ZNF595: variants seen among roughly 807,000 people sequenced by gnomAD.
ZNF595 encodes the protein zinc finger protein 595.
In ZNF595, 9 loss-of-function variants were observed where a neutral mutation model predicts 19.4. That is an observed-to-expected ratio of 0.46 (90% CI 0.28 to 0.81). The LOEUF (loss-of-function observed/expected upper bound fraction) is 0.81. Ranked by LOEUF, ZNF595 falls within the 30% of genes least tolerant of loss-of-function variation. The pLI, the probability that ZNF595 is intolerant of heterozygous loss-of-function variation, is 0.11. For synonymous variants in ZNF595, 255 were observed against 255.9 expected, an observed-to-expected ratio of 1.00 and a Z score of 0.03; for missense variants, 729 against 736.0, an observed-to-expected ratio of 0.99 and a Z score of 0.11.
intron 3 of ZNF595, among the ~76,000 whole-genome samples, chr4:64,660 A>C (rs150611568): frequency 1.5e-4 from 23 of 151,038 alleles, no homozygotes; most frequent in Middle Eastern, 3.4e-3. Flanking sequence ...ACCTATTTTG[A>C]ACATTAAGTG....
rs782000925 is a variant in ZNF595, at chr4:86,546, G to A, written c.1042G>A (p.Ala348Thr). ...KPYTCEKCGK[A>T]FNQSSSLIIH... is the part of the protein sequence containing the mutation. ...CTACACATGTGAAAAATGTGGCAAAGCTTTTAACCAATCCTCAAGTCTTAT... is the reference window on the plus strand; with the variant it reads ...CTACACATGTGAAAAATGTGGCAAAACTTTTAACCAATCCTCAAGTCTTAT... Residue 348 changes from alanine to threonine, a missense_variant, in exon 4 of 4, where the codon GCT (alanine) becomes ACT (threonine). Ala to Thr is a moderately conservative substitution (Grantham distance 58, BLOSUM62 0). Transcript: ENST00000610261. 4 of 1,613,794 alleles carry A rather than the reference G, an allele frequency of 2.5e-6. No individual in the cohort carries two copies. The highest frequency in any genetic ancestry group is 2.2e-5 in the East Asian group (1 of 44,848).
chr4:82,131 T>C (rs7665963), intron 3 of ZNF595, among the ~76,000 whole-genome samples: 1,982 of 152,254 alleles, frequency 0.013, 50 homozygotes, highest in African/African-American at 0.045. Context: ...GCTGTGGTGC[T>C]TCCAACATGT....
At chr4:71,083 G>T (rs886417898) in intron 3 of ZNF595, among the ~76,000 whole-genome samples, 1 of 151,982 alleles carries the variant, frequency 6.6e-6, no homozygotes, top group Non-Finnish European at 1.5e-5. Context: ...TTAATTCCTA[G>T]GTATTTAATT....
intron 3 of ZNF595, among the ~76,000 whole-genome samples, chr4:66,966 A>G (rs1363067789): frequency 1.4e-5 from 2 of 146,642 alleles, no homozygotes; most frequent in Non-Finnish European, 3.0e-5. Flanking sequence ...ATACTTTTTC[A>G]CAAAGTATTA....
chr4:71,222 T>G lies in ZNF595; in HGVS notation c.226+11069T>G, dbSNP rs967058569. 3.3e-5 allele frequency among the ~76,000 whole-genome samples: 5 copies of G among 152,226 alleles called. No individual in the cohort carries two copies. The East Asian group carries it at 9.6e-4, about 29-fold the overall frequency. On this transcript the variant is annotated intron_variant, in intron 3 of 3. Coordinates refer to ENST00000610261, the MANE Select transcript of ZNF595 (RefSeq NM_182524.4). ...CTAAATTTATTAGTTCTAATAGTGT[T>G]CTAGTTAATTAGGTTTTTTTCAAAT...
chr4:61,157 C>CT (rs1212049874), intron 3 of ZNF595, among the ~76,000 whole-genome samples: 428 of 146,236 alleles, frequency 2.9e-3, no homozygotes, highest in South Asian at 5.2e-3. Context: ...TTCTTTTTTT[C>CT]TTTTTTTTTT....
chr4:77,078 C>T (rs1713697719), intron 3 of ZNF595, among the ~76,000 whole-genome samples: 2 of 151,760 alleles, frequency 1.3e-5, no homozygotes, highest in Non-Finnish European at 2.9e-5. Context: ...AAAATATGTA[C>T]ATTTTTACAG....
rs1553801069 is a variant in ZNF595 at position 85,943 on chromosome 4, T to C, written c.439T>C (p.Cys147Arg). The C allele has an allele frequency of 6.8e-6, 11 of 1,612,382 alleles. No homozygotes were observed. Among genetic ancestry groups the C allele is most frequent in the African/African-American group, 1.3e-5 (1 of 74,908 alleles). The change falls in exon 4 of 4, where the codon TGT (cysteine) becomes CGT (arginine). Residue 147 changes from cysteine to arginine, a missense_variant. Transcript: ENST00000610261. ...LSTTQSKIFQ[C>R]NTCVKVFSKF... ...AACTACCCAGAGCAAAATATTTCAA[T>C]GTAATACATGTGTTAAAGTTTTTAG...
At chr4:73,896 G>T (rs950243645) in intron 3 of ZNF595, among the ~76,000 whole-genome samples, 1 of 152,128 alleles carries the variant, frequency 6.6e-6, no homozygotes, top group African/African-American at 2.4e-5. Context: ...GTGGAACTGA[G>T]CCCTGAGACG....
intron 3 of ZNF595, among the ~76,000 whole-genome samples, chr4:71,826 T>C (rs1358653959): frequency 6.6e-6 from 1 of 152,176 alleles, no homozygotes; most frequent in Non-Finnish European, 1.5e-5. Flanking sequence ...TCCTACCATC[T>C]GGATTTTTTC....
intron 3 of ZNF595, among the ~76,000 whole-genome samples, chr4:68,774 C>G (rs1436841506): frequency 2.0e-5 from 3 of 152,140 alleles, no homozygotes; most frequent in Non-Finnish European, 2.9e-5. Flanking sequence ...TAATAACATT[C>G]TTTTAGTTAC....
In ZNF595 at chr4:85,998, T is replaced by C. The variant is rs200539049; in HGVS notation, c.494T>C (p.Ile165Thr). The C allele has an allele frequency of 1.3e-4, 208 of 1,608,010 alleles. No individual in the cohort carries two copies. In the African/African-American group the frequency reaches 2.3e-3, roughly 18 times the overall value. ...SKFSNSNKHKIRHTGEKPFKC... is the reference protein window; with the variant it reads ...SKFSNSNKHKTRHTGEKPFKC... ...TTTTCAAATTCAAACAAACATAAGATAAGACATACTGGAGAGAAACCCTTT... is the reference window on the plus strand; with the variant it reads ...TTTTCAAATTCAAACAAACATAAGACAAGACATACTGGAGAGAAACCCTTT... The change falls in exon 4 of 4, where the codon ATA becomes ACA. Residue 165 changes from isoleucine (I) to threonine (T), a missense_variant. By Grantham distance (89) the Ile-to-Thr change is moderately conservative. Around this residue, in one of 2 missense-constraint regions of ZNF595, gnomAD observed 729 missense variants for 675.3 expected, o/e 1.08. Transcript: ENST00000610261.
intron 3 of ZNF595, among the ~76,000 whole-genome samples, chr4:70,988 A>G (rs1297714410): frequency 6.6e-6 from 1 of 152,222 alleles, no homozygotes; most frequent in African/African-American, 2.4e-5. Flanking sequence ...AACATAAAAT[A>G]TCTTTCCTTT....
chr4:77,519 G>A lies in ZNF595; in HGVS notation c.227-8212G>A, dbSNP rs186036607. Among the ~76,000 whole-genome samples the A allele has an allele frequency of 3.2e-4, 48 of 152,202 alleles. No individual in the cohort carries two copies. In the East Asian group the frequency reaches 9.3e-3, roughly 29 times the overall value. ...TTTTGATGTCCTTGCATCTGAAGGA[G>A]CAAATACCTCTTTCAGTCATTACAG... On this transcript the variant is annotated intron_variant, in intron 3 of 3. Coordinates refer to ENST00000610261, the MANE Select transcript of ZNF595 (RefSeq NM_182524.4).
At chr4:85,324 G>C (rs1714086307) in intron 3 of ZNF595, among the ~76,000 whole-genome samples, 1 of 152,176 alleles carries the variant, frequency 6.6e-6, no homozygotes, top group South Asian at 2.1e-4. Context: ...ACAGAAACCA[G>C]ATTTTGTAAA....
chr4:85,617 T>A, intron 3 of ZNF595, 114 bp from the exon 4 acceptor site: 1 of 1,257,488 alleles, frequency 8.0e-7, no homozygotes, highest in African/African-American at 1.5e-5. Context: ...GCCTGTGATA[T>A]TTTGTTATGC....
At chr4:81,791 C>G (rs537831270) in intron 3 of ZNF595, among the ~76,000 whole-genome samples, 1 of 152,258 alleles carries the variant, frequency 6.6e-6, no homozygotes, top group South Asian at 2.1e-4. Flanking sequence ...TACAGTTTCT[C>G]TTCATGGTTG....
rs782795580 is a variant in ZNF595, at chr4:86,972, A to G, written c.1468A>G (p.Ile490Val). ...ATGTGAAGAATGTGGCAAAGCTTTC[A>G]TATGGTCCGCAAGCCTGAATGAACA... ...YKCEECGKAF[I>V]WSASLNEHKN... The change falls in exon 4 of 4, where the codon ATA becomes GTA. Residue 490 changes from isoleucine (I) to valine (V), a missense_variant. This residue lies in a region of ZNF595 where 729 missense variants were observed against 675.3 expected (regional missense o/e 1.08). Transcript: ENST00000610261. 2.6e-5 allele frequency: 42 copies of G among 1,613,820 alleles called. No individual in the cohort carries two copies. In the Admixed American group the frequency reaches 3.2e-4, roughly 12 times the overall value.
chr4:78,855 G>A (rs955090147), intron 3 of ZNF595, among the ~76,000 whole-genome samples: 30 of 152,164 alleles, frequency 2.0e-4, no homozygotes, highest in Admixed American at 1.8e-3. Flanking sequence ...CACCATGCCC[G>A]GCTAATTTTG....
Sources: allele counts gnomAD v4.1 joint callset (sites outside exome capture counted in the v4.1 genomes callset), GRCh38; gene constraint gnomAD v4.1.1; regional missense constraint gnomAD v4.1.1; transcripts MANE v1.5; gene names NCBI Gene and HGNC (gene_info 2026-07-23, HGNC 2026-07-21).